Variants in C3orf20 observed in about 807,000 individuals in gnomAD.
The protein encoded by C3orf20 is uncharacterized protein C3orf20.
Under a neutral mutation model 88.3 loss-of-function variants are expected in C3orf20, and 76 were observed. The observed-to-expected ratio is 0.86, with a 90% CI of 0.72 to 1.04. The LOEUF (loss-of-function observed/expected upper bound fraction) is 1.04. Ranked by LOEUF, C3orf20 falls within the 50% of genes least tolerant of loss-of-function variation. The pLI is 0.00. For missense variants in C3orf20, 1,056 were observed against 1,123.3 expected, an observed-to-expected ratio of 0.94 and a Z score of 0.86; for synonymous variants, 436 against 437.4, an observed-to-expected ratio of 1.00 and a Z score of 0.04.
At chr3:14,736,577 C>T (rs995231756) in intron 12 of C3orf20, among the ~76,000 whole-genome samples, 1 of 149,866 alleles carries the variant, frequency 6.7e-6, no homozygotes, top group African/African-American at 2.5e-5. Context: ...AGGCATGAGC[C>T]ACTGCGCCTG....
chr3:14,766,058 G>A (rs1317667711), intron 15 of C3orf20, among the ~76,000 whole-genome samples: 1 of 152,168 alleles, frequency 6.6e-6, no homozygotes, highest in African/African-American at 2.4e-5. Flanking sequence ...CCAGTGGGCT[G>A]CACCAAGATA....
Position 14,703,111 on chromosome 3 carries a change from T to A in C3orf20, c.746-19T>A. 1 of 1,614,006 alleles carries A rather than the reference T, an allele frequency of 6.2e-7. No homozygotes were observed. On this transcript the variant is annotated intron_variant, in intron 5 of 16. Coordinates refer to ENST00000253697, the MANE Select transcript of C3orf20 (RefSeq NM_032137.5). ...CATGGTCTTGGGCATCTCTCTAACT[T>A]CTTGCCCTCCAACTACAGGCAAATC...
At chr3:14,686,062 A>G (rs1344723847) in intron 4 of C3orf20, among the ~76,000 whole-genome samples, 1 of 152,034 alleles carries the variant, frequency 6.6e-6, no homozygotes, top group Non-Finnish European at 1.5e-5. Context: ...GGGTTTCACC[A>G]TGTTGGCCAG....
intron 3 of C3orf20, 39 bp downstream of exon 3, chr3:14,683,236 A>T (rs1442190106): frequency 6.6e-7 from 1 of 1,521,898 alleles, no homozygotes; most frequent in Non-Finnish European, 8.8e-7. Context: ...CACCACACCC[A>T]CTACAGACGG....
intron 1 of C3orf20, among the ~76,000 whole-genome samples, chr3:14,680,829 A>G (rs796489219): frequency 2.0e-5 from 3 of 152,356 alleles, no homozygotes; most frequent in African/African-American, 7.2e-5. Flanking sequence ...TCTGCCCTGC[A>G]CAGTCAGGAT....
Position 14,764,490 on chromosome 3 carries a change from T to TTATTAC in C3orf20, c.2495+2880_2495+2881insCTATTA, listed in dbSNP as rs2035646687. Among the ~76,000 whole-genome samples, 3 of 148,702 alleles carry TTATTAC rather than the reference T, an allele frequency of 2.0e-5. No individual in the cohort carries two copies. The South Asian group carries it at 6.4e-4, about 32-fold the overall frequency. On this transcript the variant is annotated intron_variant, in intron 15 of 16. Coordinates refer to ENST00000253697, the MANE Select transcript of C3orf20 (RefSeq NM_032137.5). Reference sequence around the variant, plus strand: ...AAAACAACACAATCGTTTATTATTATTATTATTATTATTATTATTGTTGTT... The same window carrying TTATTAC: ...AAAACAACACAATCGTTTATTATTATTATTACTATTATTATTATTATTATTGTTGTT...
chr3:14,769,674 C>A (rs1249453395), intron 15 of C3orf20, among the ~76,000 whole-genome samples: 1 of 152,164 alleles, frequency 6.6e-6, no homozygotes, highest in East Asian at 1.9e-4. Flanking sequence ...CCCCTGCAAG[C>A]ATCAGGGAAC....
chr3:14,726,407 C>T (rs1024012508), intron 10 of C3orf20, among the ~76,000 whole-genome samples: 7 of 152,142 alleles, frequency 4.6e-5, no homozygotes, highest in African/African-American at 4.8e-5. Context: ...GGGGATGCAC[C>T]GCAGCATCCA....
chr3:14,683,065 A>G lies in C3orf20; in HGVS notation c.352A>G (p.Thr118Ala), dbSNP rs1559392965. The change falls in exon 3 of 17, where the codon ACC becomes GCC. Residue 118 changes from threonine (T) to alanine (A), a missense_variant. Transcript: ENST00000253697. ...LATTGAAKRS[T>A]LSPTMARQVR... ...AACCACTGGGGCAGCCAAGCGCTCC[A>G]CCCTCTCTCCCACCATGGCCCGTCA... 1 of 1,611,028 alleles carries G rather than the reference A, an allele frequency of 6.2e-7. No homozygotes were observed. Among genetic ancestry groups the G allele is most frequent in the African/African-American group, 1.3e-5 (1 of 74,872 alleles).
chr3:14,748,001 T>C (rs949342788), intron 12 of C3orf20, among the ~76,000 whole-genome samples: 1 of 152,120 alleles, frequency 6.6e-6, no homozygotes, highest in Admixed American at 6.5e-5. Flanking sequence ...AGGGTAATGC[T>C]GAGGTTTCCA....
At chr3:14,742,819 A>G (rs1237259664) in intron 12 of C3orf20, among the ~76,000 whole-genome samples, 1 of 152,210 alleles carries the variant, frequency 6.6e-6, no homozygotes, top group East Asian at 1.9e-4. Context: ...AGGAAGAAGC[A>G]AAAGCAGAAA....
At chr3:14,679,716 C>T (rs1016656294) in intron 1 of C3orf20, among the ~76,000 whole-genome samples, 1 of 152,106 alleles carries the variant, frequency 6.6e-6, no homozygotes, top group African/African-American at 2.4e-5. Context: ...GGTCCTTTAC[C>T]CAGGAGCTTC....
At chr3:14,706,709 C>T (rs187733671) in intron 7 of C3orf20, among the ~76,000 whole-genome samples, 1 of 152,046 alleles carries the variant, frequency 6.6e-6, no homozygotes, top group Admixed American at 6.5e-5. Context: ...TGACCCTGCA[C>T]AAATCACTTG....
chr3:14,712,178 GCGCGCACACACACACA>G (rs1194400004), intron 7 of C3orf20, among the ~76,000 whole-genome samples: 9 of 108,900 alleles, frequency 8.3e-5, no homozygotes, highest in Non-Finnish European at 4.1e-5. Flanking sequence ...ACACACGCGC[GCGCGCACACACACACA>G]CACACACACA....
At chr3:14,739,073 G>A (rs1294067225) in intron 12 of C3orf20, among the ~76,000 whole-genome samples, 1 of 152,020 alleles carries the variant, frequency 6.6e-6, no homozygotes, top group Admixed American at 6.5e-5. Flanking sequence ...TTACAGGCAT[G>A]AGCCACTGTG....
At chr3:14,714,297 G>C in intron 8 of C3orf20, 138 bp downstream of exon 8, 1 of 912,882 alleles carries the variant, frequency 1.1e-6, no homozygotes. Flanking sequence ...CAGTGAGGCA[G>C]GGCTGAGGCT....
chr3:14,677,791 A>G (rs774098030), intron 1 of C3orf20, among the ~76,000 whole-genome samples: 2 of 152,116 alleles, frequency 1.3e-5, no homozygotes, highest in Non-Finnish European at 2.9e-5. Flanking sequence ...GTGGGCCACC[A>G]TGCCTGGCCT....
intron 12 of C3orf20, among the ~76,000 whole-genome samples, chr3:14,732,070 A>G (rs2034553899): frequency 6.6e-6 from 1 of 152,234 alleles, no homozygotes; most frequent in African/African-American, 2.4e-5. Context: ...GAAACTGCCA[A>G]CTGTCTTCCC....
chr3:14,696,459 C>T (rs776126260), intron 5 of C3orf20, among the ~76,000 whole-genome samples: 2 of 151,398 alleles, frequency 1.3e-5, no homozygotes, highest in Non-Finnish European at 2.9e-5. Flanking sequence ...TGGCACGTCT[C>T]GGCTGACTGC....
Sources: allele counts gnomAD v4.1 joint callset (sites outside exome capture counted in the v4.1 genomes callset), GRCh38; gene constraint gnomAD v4.1.1; transcripts MANE v1.5; gene names NCBI Gene and HGNC (gene_info 2026-07-23, HGNC 2026-07-21).